The following STXBP5L variants were observed in gnomAD, a reference collection of about 807,000 sequenced individuals.
STXBP5L encodes the protein syntaxin binding protein 5L.
STXBP5L carries 65 observed loss-of-function variants against 144.5 expected under a neutral mutation model. The observed-to-expected ratio is 0.45, with a 90% CI of 0.37 to 0.55. STXBP5L has a LOEUF of 0.55. STXBP5L is among the 20% of genes least tolerant of loss of function. The pLI is 0.00. For missense variants in STXBP5L, 1,298 were observed against 1,405.5 expected (o/e 0.92, Z 1.22); for synonymous variants, 505 against 469.6 (o/e 1.08, Z -0.97).
chr3:121,405,209 A>AT lies in STXBP5L; in HGVS notation c.2588-2026dup, dbSNP rs540065070. Among the ~76,000 whole-genome samples, 14 of 152,038 alleles carry AT rather than the reference A, an allele frequency of 9.2e-5. No homozygotes were observed. The South Asian group carries it at 1.2e-3, about 14-fold the overall frequency. ...GTGGGGGTTGGGGCTTTAACATATG[A>AT]TTTTTTTTACAAGAGGTTGGCAGGG... On this transcript the variant is annotated intron_variant, in intron 22 of 26. Transcript: ENST00000471454.
intron 1 of STXBP5L, among the ~76,000 whole-genome samples, chr3:120,908,787 G>T (rs944604642): frequency 2.0e-5 from 3 of 150,962 alleles, no homozygotes; most frequent in African/African-American, 7.3e-5. Flanking sequence ...GCGCGGCGGC[G>T]GCTGCGGGCA....
intron 2 of STXBP5L, among the ~76,000 whole-genome samples, chr3:120,921,093 A>G (rs1709338505): frequency 6.6e-6 from 1 of 151,912 alleles, no homozygotes; most frequent in Non-Finnish European, 1.5e-5. Context: ...CATTCACACC[A>G]ACAATGTGTG....
intron 5 of STXBP5L, among the ~76,000 whole-genome samples, chr3:121,095,498 T>C (rs1445439442): frequency 6.6e-6 from 1 of 152,208 alleles, no homozygotes; most frequent in Non-Finnish European, 1.5e-5. Context: ...TTTACTCTTT[T>C]TTCTCTAACC....
At chr3:121,263,124 AG>A (rs759475230) in intron 18 of STXBP5L, among the ~76,000 whole-genome samples, 5 of 152,230 alleles carry the variant, frequency 3.3e-5, no homozygotes, top group Admixed American at 6.5e-5. Flanking sequence ...AGGAAGGAAC[AG>A]GCAGCAATCT....
At chr3:121,332,527 C>A (rs2044354401) in intron 20 of STXBP5L, among the ~76,000 whole-genome samples, 1 of 150,872 alleles carries the variant, frequency 6.6e-6, no homozygotes, top group East Asian at 1.9e-4. Context: ...TTCAGAGCTT[C>A]AAGACAAAAT....
chr3:121,132,223 A>G (rs2045024115), intron 7 of STXBP5L, among the ~76,000 whole-genome samples: 1 of 152,110 alleles, frequency 6.6e-6, no homozygotes, highest in Non-Finnish European at 1.5e-5. Flanking sequence ...CAGATGAAAA[A>G]TCCCAGCTCT....
At chr3:120,976,572 C>T (rs1941050840) in intron 3 of STXBP5L, among the ~76,000 whole-genome samples, 1 of 151,932 alleles carries the variant, frequency 6.6e-6, no homozygotes, top group Non-Finnish European at 1.5e-5. Flanking sequence ...TTAGTTATTT[C>T]TTGCCTTCTG....
chr3:121,292,404 G>C (rs1389645940), intron 19 of STXBP5L, among the ~76,000 whole-genome samples: 1 of 152,112 alleles, frequency 6.6e-6, no homozygotes, highest in Non-Finnish European at 1.5e-5. Flanking sequence ...TGTTAGCATG[G>C]ATATAGTGAA....
At chr3:121,301,505 A>G (rs1295730534) in intron 19 of STXBP5L, among the ~76,000 whole-genome samples, 1 of 152,076 alleles carries the variant, frequency 6.6e-6, no homozygotes, top group Non-Finnish European at 1.5e-5. Flanking sequence ...GGGCAATTTG[A>G]CTTCCTCTTT....
chr3:120,977,584 A>G (rs1180825651), intron 3 of STXBP5L, among the ~76,000 whole-genome samples: 2 of 152,170 alleles, frequency 1.3e-5, no homozygotes, highest in African/African-American at 4.8e-5. Context: ...TGATCCTGTC[A>G]TTATGATGTT....
intron 19 of STXBP5L, among the ~76,000 whole-genome samples, chr3:121,302,154 C>T (rs571702188): frequency 6.6e-5 from 10 of 152,202 alleles, no homozygotes; most frequent in East Asian, 1.9e-4. Flanking sequence ...TGGTAGAATT[C>T]GGCTGTGAAT....
In STXBP5L at chr3:121,157,622, C is replaced by T; in HGVS notation, c.872C>T (p.Pro291Leu). 1.3e-6 allele frequency: 2 copies of T among 1,599,712 alleles called. No individual in the cohort carries two copies. Among genetic ancestry groups the T allele is most frequent in the Non-Finnish European group, 1.7e-6 (2 of 1,174,562 alleles). ...SPSRPFQTTI[P>L]HGKSQREGRK... Reference sequence around the variant, plus strand: ...AGTCGCCCTTTCCAGACCACAATTCCACATGGTAAGATGTATGCTTTCAAA... The same window carrying T: ...AGTCGCCCTTTCCAGACCACAATTCTACATGGTAAGATGTATGCTTTCAAA... The change falls in exon 9 of 27, where the codon CCA becomes CTA. Residue 291 changes from proline to leucine, a missense_variant. By Grantham distance (98) the Pro-to-Leu change is moderately conservative. Transcript: ENST00000471454.
chr3:121,314,772 T>C (rs1461404049), intron 19 of STXBP5L, among the ~76,000 whole-genome samples: 1 of 151,958 alleles, frequency 6.6e-6, no homozygotes, highest in Non-Finnish European at 1.5e-5. Flanking sequence ...TACAATGAAC[T>C]CAAACAAGTT....
At chr3:121,370,026 C>T (rs11706766) in intron 20 of STXBP5L, among the ~76,000 whole-genome samples, 72,627 of 151,872 alleles carry the variant, frequency 0.48, 17,916 homozygotes, top group East Asian at 0.71. Context: ...GTGGACTTCC[C>T]TCTTGCTGTT....
chr3:121,251,313 T>A (rs1022741238), intron 15 of STXBP5L, among the ~76,000 whole-genome samples: 3 of 152,274 alleles, frequency 2.0e-5, no homozygotes, highest in Non-Finnish European at 4.4e-5. Context: ...TCAGAAAAAT[T>A]GTAGTCATTA....
chr3:121,085,813 G>C (rs775756530), intron 5 of STXBP5L, among the ~76,000 whole-genome samples: 1 of 152,052 alleles, frequency 6.6e-6, no homozygotes, highest in African/African-American at 2.4e-5. Flanking sequence ...CACATAATTA[G>C]AAACAAATTC....
Position 121,045,540 on chromosome 3 carries a change from G to C in STXBP5L, c.470+5G>C. 1 of 1,604,372 alleles carries C rather than the reference G, an allele frequency of 6.2e-7. No individual in the cohort carries two copies. The highest frequency in any genetic ancestry group is 8.5e-7 in the Non-Finnish European group (1 of 1,176,806). ...TCTTAAATTTAACCGGGAACGGTAA[G>C]AACCTATGAATTAAACAATTTCTTA... is the stretch of plus-strand genomic sequence containing the variant. On this transcript the variant is annotated splice_donor_5th_base_variant and intron_variant, in intron 5 of 26. Transcript: ENST00000471454.
At chr3:120,980,955 T>A (rs1185483072) in intron 3 of STXBP5L, among the ~76,000 whole-genome samples, 1 of 152,166 alleles carries the variant, frequency 6.6e-6, no homozygotes, top group Non-Finnish European at 1.5e-5. Context: ...TTATTTTCAT[T>A]AATGAAGCTT....
In STXBP5L at chr3:121,333,556, C is replaced by CAA. The variant is rs35689465; in HGVS notation, c.2176+15025_2176+15026dup. Reference sequence around the variant, plus strand: ...ACTGAAGGAGATTGGGACACACACACAAAAAAAAAACATTCAAAAGATCAA... The same window carrying CAA: ...ACTGAAGGAGATTGGGACACACACACAAAAAAAAAAAACATTCAAAAGATCAA... On this transcript the variant is annotated intron_variant, in intron 20 of 26. Coordinates refer to ENST00000471454, the MANE Select transcript of STXBP5L (RefSeq NM_001308330.2). 9.0e-3 allele frequency among the ~76,000 whole-genome samples: 1,221 copies of CAA among 136,048 alleles called. 24 individuals are homozygous for CAA. The highest frequency in any genetic ancestry group is 0.03 in the African/African-American group (1,120 of 37,608). 89.3% of individuals were successfully genotyped at this position (136,048 alleles called of 152,430 possible).
Sources: gnomAD v4.1 joint callset for allele counts (sites outside exome capture counted in the v4.1 genomes callset) on GRCh38, gnomAD v4.1.1 for gene constraint, MANE v1.5 for transcripts, NCBI Gene and HGNC (gene_info 2026-07-23, HGNC 2026-07-21) for gene names.